CNTNAP2: variants seen among roughly 807,000 people sequenced by gnomAD.
CNTNAP2 encodes the protein contactin associated protein 2, also known as contactin-associated protein-like 2.
In CNTNAP2, 98 loss-of-function variants were observed where a neutral mutation model predicts 155.2. The ratio of observed to expected loss-of-function variants is 0.63; its 90% confidence interval spans 0.54 to 0.75. CNTNAP2 has a LOEUF of 0.75. CNTNAP2 is among the 30% of genes least tolerant of loss of function. The probability of loss-of-function intolerance (pLI) is 0.00; values close to 1 mark genes in which losing one functional copy is unlikely to be tolerated. For synonymous variants in CNTNAP2, 651 were observed against 631.2 expected (o/e 1.03, Z -0.47); for missense variants, 1,727 against 1,688.1 (o/e 1.02, Z -0.40).
intron 3 of CNTNAP2, among the ~76,000 whole-genome samples, chr7:146,963,342 T>C (rs1797592199): frequency 6.6e-6 from 1 of 152,334 alleles, no homozygotes; most frequent in South Asian, 2.1e-4. Flanking sequence ...TCAAATGTCA[T>C]GTATCTTTGC....
At chr7:147,224,613 G>A (rs1803479430) in intron 8 of CNTNAP2, among the ~76,000 whole-genome samples, 1 of 152,018 alleles carries the variant, frequency 6.6e-6, no homozygotes, top group Non-Finnish European at 1.5e-5. Flanking sequence ...GAAACCTTTA[G>A]TTAGAATTTT....
At chr7:147,853,461 C>A (rs1452011602) in intron 13 of CNTNAP2, among the ~76,000 whole-genome samples, 2 of 151,722 alleles carry the variant, frequency 1.3e-5, no homozygotes, top group Non-Finnish European at 2.9e-5. Flanking sequence ...TTTAAAAATC[C>A]TATTTATTTA....
At chr7:148,096,974 T>C (rs1803985264) in intron 15 of CNTNAP2, among the ~76,000 whole-genome samples, 1 of 152,130 alleles carries the variant, frequency 6.6e-6, no homozygotes, top group African/African-American at 2.4e-5. Flanking sequence ...AATATAAAGC[T>C]ACTTGGAGAT....
intron 11 of CNTNAP2, among the ~76,000 whole-genome samples, chr7:147,504,644 GC>G (rs2116675900): frequency 6.7e-6 from 1 of 149,318 alleles, no homozygotes; most frequent in South Asian, 2.1e-4. Context: ...ACCCGAGATT[GC>G]ACCACGGCTT....
At chr7:146,251,691 T>G (rs1799759658) in intron 1 of CNTNAP2, among the ~76,000 whole-genome samples, 1 of 152,204 alleles carries the variant, frequency 6.6e-6, no homozygotes, top group African/African-American at 2.4e-5. Context: ...CAATTTAGGC[T>G]ATAGGGGCCA....
intron 1 of CNTNAP2, among the ~76,000 whole-genome samples, chr7:146,459,279 T>C (rs192047514): frequency 3.3e-5 from 5 of 152,288 alleles, no homozygotes; most frequent in Admixed American, 2.6e-4. Context: ...TAGATGGTTA[T>C]GTGTAGGTCC....
chr7:146,766,606 G>C (rs1343796229), intron 1 of CNTNAP2, among the ~76,000 whole-genome samples: 1 of 152,170 alleles, frequency 6.6e-6, no homozygotes, highest in African/African-American at 2.4e-5. Context: ...TTAGCTGTGA[G>C]ATCTGAAGCC....
chr7:148,356,979 G>A lies in CNTNAP2; in HGVS notation c.3476-26670G>A, dbSNP rs138546632. On this transcript the variant is annotated intron_variant, in intron 21 of 23. Transcript: ENST00000361727. ...AATCAAGTGTAAACTGATTTGAAGC[G>A]TGAGGCCCTGCGTGATATATACTGT... is the stretch of plus-strand genomic sequence containing the variant. Among the ~76,000 whole-genome samples the A allele has an allele frequency of 4.1e-3, 623 of 151,850 alleles. 9 individuals carry two copies. Among genetic ancestry groups the A allele is most frequent in the African/African-American group, 0.013 (534 of 41,374 alleles).
intron 13 of CNTNAP2, among the ~76,000 whole-genome samples, chr7:147,715,274 A>T (rs1374924567): frequency 6.6e-6 from 1 of 152,140 alleles, no homozygotes; most frequent in African/African-American, 2.4e-5. Context: ...TTACAGAGTG[A>T]CTGTACTATT....
At chr7:146,375,956 A>T (rs1172824458) in intron 1 of CNTNAP2, among the ~76,000 whole-genome samples, 1 of 152,188 alleles carries the variant, frequency 6.6e-6, no homozygotes, top group African/African-American at 2.4e-5. Context: ...CCTAACAGAA[A>T]AAAAGTTTGC....
intron 2 of CNTNAP2, among the ~76,000 whole-genome samples, chr7:146,825,575 A>G (rs7809945): frequency 0.12 from 18,495 of 152,142 alleles, 3,683 homozygotes; most frequent in African/African-American, 0.41. Context: ...AAATGAACTA[A>G]AGCAGATAAA....
intron 4 of CNTNAP2, among the ~76,000 whole-genome samples, chr7:147,044,434 T>G (rs1161927389): frequency 2.0e-5 from 3 of 152,162 alleles, no homozygotes; most frequent in Non-Finnish European, 4.4e-5. Flanking sequence ...GGGTCTTTAT[T>G]ATGGGTTTTG....
intron 9 of CNTNAP2, among the ~76,000 whole-genome samples, chr7:147,356,737 T>A (rs1796068655): frequency 6.6e-6 from 1 of 152,124 alleles, no homozygotes; most frequent in South Asian, 2.1e-4. Context: ...AATTTGTACA[T>A]AAGCCATTGA....
intron 3 of CNTNAP2, among the ~76,000 whole-genome samples, chr7:146,871,957 T>C (rs1210143213): frequency 1.3e-5 from 2 of 152,064 alleles, no homozygotes; most frequent in African/African-American, 4.8e-5. Flanking sequence ...AATTATGTTT[T>C]CTTCTACATA....
chr7:147,868,621 C>A (rs1440424178), intron 13 of CNTNAP2, among the ~76,000 whole-genome samples: 2 of 152,196 alleles, frequency 1.3e-5, no homozygotes, highest in Admixed American at 6.5e-5. Context: ...CTGTGGTGGG[C>A]TCTACCCAGT....
intron 13 of CNTNAP2, among the ~76,000 whole-genome samples, chr7:147,855,938 A>T (rs1186968110): frequency 1.3e-5 from 2 of 152,144 alleles, no homozygotes; most frequent in Non-Finnish European, 2.9e-5. Context: ...CACATGGACT[A>T]TGAAGGACCC....
At chr7:148,138,228 C>T (rs1804997670) in intron 16 of CNTNAP2, among the ~76,000 whole-genome samples, 1 of 152,214 alleles carries the variant, frequency 6.6e-6, no homozygotes, top group African/African-American at 2.4e-5. Context: ...TCCTCATTAT[C>T]AGTGTCCCTA....
chr7:148,276,846 G>T (rs1178503064), intron 21 of CNTNAP2, among the ~76,000 whole-genome samples: 1 of 152,238 alleles, frequency 6.6e-6, no homozygotes, highest in African/African-American at 2.4e-5. Flanking sequence ...TCACAGAATT[G>T]CACATTGTAA....
At chr7:147,884,902 T>C (rs908554935) in intron 13 of CNTNAP2, among the ~76,000 whole-genome samples, 3 of 131,794 alleles carry the variant, frequency 2.3e-5, no homozygotes, top group African/African-American at 8.1e-5. Context: ...TTTGATGTGT[T>C]ATAAACAAAA....
Sources: gnomAD v4.1 joint callset for allele counts (sites outside exome capture counted in the v4.1 genomes callset) on GRCh38, gnomAD v4.1.1 for gene constraint, MANE v1.5 for transcripts, NCBI Gene and HGNC (gene_info 2026-07-23, HGNC 2026-07-21) for gene names.